VAV2: variants seen among roughly 807,000 people sequenced by gnomAD.
The protein encoded by VAV2 is vav guanine nucleotide exchange factor 2.
A neutral mutation model predicts 132.5 loss-of-function variants in VAV2; 67 were observed. The ratio of observed to expected loss-of-function variants is 0.51; its 90% CI spans 0.42 to 0.62. The LOEUF (loss-of-function observed/expected upper bound fraction) is 0.62, where lower values mean the gene tolerates loss of function less well. Ranked by LOEUF, VAV2 falls within the 20% of genes least tolerant of loss-of-function variation. The pLI is 0.00. For missense variants in VAV2, 938 were observed against 1,153.6 expected (o/e 0.81, Z 2.71); for synonymous variants, 492 against 443.5 (o/e 1.11, Z -1.37).
Position 133,788,916 on chromosome 9 carries a change from G to A in VAV2, c.1274+342C>T, listed in dbSNP as rs2520003. On this transcript the variant is annotated intron_variant, in intron 14 of 29. Coordinates refer to ENST00000371850, the MANE Select transcript of VAV2 (RefSeq NM_001134398.2). The surrounding 1 kb of genome is among the most constrained non-coding windows in gnomAD (Gnocchi z 5.3). The stretch of plus-strand genomic sequence containing the variant: ...GACAAGCCTGGGCCACCGTGCGCCT[G>A]GACACTCTCCGGCAGTCATTTGGCA... Among the ~76,000 whole-genome samples the A allele has an allele frequency of 0.29, 43,712 of 152,178 alleles. 7,865 individuals are homozygous for A. The highest frequency in any genetic ancestry group is 0.41 in the Non-Finnish European group (27,800 of 67,954).
intron 1 of VAV2, among the ~76,000 whole-genome samples, chr9:133,967,064 G>A (rs1842166293): frequency 6.9e-6 from 1 of 145,110 alleles, no homozygotes. Flanking sequence ...AAATAGTAAT[G>A]ATAATAATAA....
intron 16 of VAV2, 104 bp from the exon 17 acceptor site, chr9:133,785,989 TGC>T: frequency 1.0e-6 from 1 of 992,668 alleles, no homozygotes; most frequent in Non-Finnish European, 1.5e-6. Flanking sequence ...CGTGTGTATA[TGC>T]ATATGTGCAC....
intron 2 of VAV2, among the ~76,000 whole-genome samples, chr9:133,914,718 GAT>G (rs1840000565): frequency 4.9e-4 from 7 of 14,224 alleles, no homozygotes; most frequent in South Asian, 8.2e-3. Flanking sequence ...AGAGGGGAGG[GAT>G]CACGGGAGGG....
chr9:133,944,430 G>A (rs1841287975), intron 1 of VAV2, among the ~76,000 whole-genome samples: 1 of 152,228 alleles, frequency 6.6e-6, no homozygotes, highest in Non-Finnish European at 1.5e-5. Flanking sequence ...CAGCTGGGGA[G>A]CTGCAGTTTG....
Position 133,770,482 on chromosome 9 carries a change from T to C in VAV2, c.2243A>G (p.Gln748Arg). The change falls in exon 27 of 30, where the codon CAG becomes CGG. Residue 748 changes from glutamine to arginine, a missense_variant. Coordinates refer to ENST00000371850, the MANE Select transcript of VAV2 (RefSeq NM_001134398.2). ...DSLLELVEYY[Q>R]CHSLKESFKQ... ...GAAGCTCTCCTTCAGTGAGTGGCACTGGTAGTACTCCACCAACTCCTGCAG... is the reference window on the plus strand; with the variant it reads ...GAAGCTCTCCTTCAGTGAGTGGCACCGGTAGTACTCCACCAACTCCTGCAG... 1.2e-6 allele frequency: 2 copies of C among 1,614,072 alleles called. No individual in the cohort carries two copies. The highest frequency in any genetic ancestry group is 1.7e-6 in the Non-Finnish European group (2 of 1,179,950).
chr9:133,914,786 A>AGGG, intron 2 of VAV2, among the ~76,000 whole-genome samples: 1 of 43,090 alleles, frequency 2.3e-5, no homozygotes, highest in South Asian at 8.1e-4. Context: ...ACGGGAGGGG[A>AGGG]GAGGAGGAGG....
At chr9:133,765,857 G>A (rs1211282453) in intron 29 of VAV2, among the ~76,000 whole-genome samples, 1 of 152,098 alleles carries the variant, frequency 6.6e-6, no homozygotes, top group African/African-American at 2.4e-5. Flanking sequence ...AAAGCAAATG[G>A]GGCAAAACAT....
chr9:133,896,332 T>A (rs1259615700), intron 2 of VAV2, among the ~76,000 whole-genome samples: 2 of 152,130 alleles, frequency 1.3e-5, no homozygotes, highest in African/African-American at 4.8e-5. Context: ...CAGGTGCCTG[T>A]AATCCCAGCT....
intron 2 of VAV2, among the ~76,000 whole-genome samples, chr9:133,871,088 G>C (rs1436493157): frequency 2.0e-5 from 3 of 150,448 alleles, no homozygotes; most frequent in Non-Finnish European, 4.4e-5. Context: ...AAATGCGTGG[G>C]TGGGTGGATG....
intron 4 of VAV2, among the ~76,000 whole-genome samples, chr9:133,821,288 G>C (rs550109641): frequency 1.2e-3 from 181 of 152,332 alleles, no homozygotes; most frequent in African/African-American, 4.2e-3. Flanking sequence ...CATCACTTCG[G>C]AACAGGCGGG....
chr9:133,847,229 T>A (rs1836967717), intron 3 of VAV2, among the ~76,000 whole-genome samples: 1 of 152,234 alleles, frequency 6.6e-6, no homozygotes, highest in African/African-American at 2.4e-5. Flanking sequence ...GTTCCCATCC[T>A]GCAGCTGCCC....
At chr9:133,910,333 G>T (rs977048597) in intron 2 of VAV2, among the ~76,000 whole-genome samples, 1 of 152,164 alleles carries the variant, frequency 6.6e-6, no homozygotes, top group African/African-American at 2.4e-5. Context: ...TGGGGTTTTT[G>T]TTAGAAGCAG....
At chr9:133,920,750 T>C (rs2810508) in intron 2 of VAV2, among the ~76,000 whole-genome samples, 147,236 of 152,186 alleles carry the variant, frequency 0.97, 71,342 homozygotes, top group Non-Finnish European at 1. Flanking sequence ...AGGCCAGTGC[T>C]GGGCAACATA....
Position 133,964,231 on chromosome 9 carries a change from G to A in VAV2, c.205-25012C>T, listed in dbSNP as rs113166510. Among the ~76,000 whole-genome samples the A allele has an allele frequency of 4.3e-4, 65 of 150,700 alleles. No individual in the cohort carries two copies. The South Asian group carries it at 0.01, about 24-fold the overall frequency. On this transcript the variant is annotated intron_variant, in intron 1 of 29. Transcript: ENST00000371850. ...AAATTGGCCAGGCGCAGTGGCACACGCCTGTAGTCCCAGCTACTAAGGAGG... is the reference window on the plus strand; with the variant it reads ...AAATTGGCCAGGCGCAGTGGCACACACCTGTAGTCCCAGCTACTAAGGAGG...
At chr9:133,984,474 G>A (rs538229345) in intron 1 of VAV2, among the ~76,000 whole-genome samples, 7 of 152,114 alleles carry the variant, frequency 4.6e-5, no homozygotes, top group South Asian at 2.1e-4. Context: ...TTAGCTGGGC[G>A]CGGTGGCACA....
chr9:133,782,933 C>T (rs1455934907), intron 19 of VAV2, among the ~76,000 whole-genome samples: 1 of 152,178 alleles, frequency 6.6e-6, no homozygotes, highest in African/African-American at 2.4e-5. Flanking sequence ...GCCTCCAGGG[C>T]GCATCCCTGC....
In VAV2 at chr9:133,919,364, G is replaced by A. The variant is rs1423011312; in HGVS notation, c.321+19739C>T. On this transcript the variant is annotated intron_variant, in intron 2 of 29. Coordinates refer to ENST00000371850, the MANE Select transcript of VAV2 (RefSeq NM_001134398.2). This position sits in a 1 kb window ranked among gnomAD's most constrained non-coding sequence, Gnocchi z 5.8. ...GGCTGGAGACTCTTAGGGCCCCACC[G>A]GGCTTTGAAACCAGATCCTGGGAGC... Among the ~76,000 whole-genome samples, 4 of 152,162 alleles carry A rather than the reference G, an allele frequency of 2.6e-5. No individual in the cohort carries two copies. Among genetic ancestry groups the A allele is most frequent in the East Asian group, 1.9e-4 (1 of 5,190 alleles).
intron 2 of VAV2, among the ~76,000 whole-genome samples, chr9:133,938,714 G>A (rs2810526): frequency 0.88 from 134,123 of 151,920 alleles, 59,896 homozygotes; most frequent in East Asian, 0.98. Context: ...CTTAGGAGGT[G>A]GTACTAACTT....
At chr9:133,815,497 T>TAGG (rs1835520838) in intron 4 of VAV2, among the ~76,000 whole-genome samples, 1 of 152,094 alleles carries the variant, frequency 6.6e-6, no homozygotes, top group Non-Finnish European at 1.5e-5. Flanking sequence ...CTTCTGACTG[T>TAGG]TCTTCACCAC....
Sources: gnomAD v4.1 joint callset for allele counts (sites outside exome capture counted in the v4.1 genomes callset) on GRCh38, gnomAD v4.1.1 for gene constraint, Gnocchi (gnomAD v3.1) non-coding constraint, MANE v1.5 for transcripts, NCBI Gene and HGNC (gene_info 2026-07-23, HGNC 2026-07-21) for gene names.